RARB: variants seen among roughly 807,000 people sequenced by gnomAD.
RARB encodes the protein HBV-activated protein.
Under a neutral mutation model 51.9 loss-of-function variants are expected in RARB, and 17 were observed. The ratio of observed to expected loss-of-function variants is 0.33; its 90% confidence interval spans 0.22 to 0.49. RARB has a LOEUF of 0.49. RARB is among the 20% of genes least tolerant of loss of function. The pLI is 0.99. For missense variants in RARB, 369 were observed against 550.8 expected (o/e 0.67, Z 3.30); for synonymous variants, 215 against 195.4 (o/e 1.10, Z -0.84).
At chr3:25,092,483 AT>A (rs1328779000) in intron 3 of RARB, among the ~76,000 whole-genome samples, 1 of 151,974 alleles carries the variant, frequency 6.6e-6, no homozygotes, top group Non-Finnish European at 1.5e-5. Context: ...TGTCTCTCTT[AT>A]TTTTACTATT....
chr3:24,846,058 G>A (rs1031996613), intron 1 of RARB, among the ~76,000 whole-genome samples: 3 of 152,142 alleles, frequency 2.0e-5, no homozygotes, highest in African/African-American at 7.2e-5. Flanking sequence ...GTGCAACAGG[G>A]TTACTCCTGT....
chr3:24,959,948 C>T (rs1696102467), intron 2 of RARB, among the ~76,000 whole-genome samples: 1 of 152,200 alleles, frequency 6.6e-6, no homozygotes, highest in Non-Finnish European at 1.5e-5. Flanking sequence ...TTCGAGATCT[C>T]TCAGTTAATC....
intron 2 of RARB, among the ~76,000 whole-genome samples, chr3:25,056,436 CTAAAA>C (rs1172344292): frequency 2.0e-5 from 3 of 152,158 alleles, no homozygotes; most frequent in Non-Finnish European, 4.4e-5. Context: ...CATTGACTGT[CTAAAA>C]TAAATGACCT....
intron 4 of RARB, among the ~76,000 whole-genome samples, chr3:25,142,262 A>T (rs994966417): frequency 2.6e-5 from 4 of 152,188 alleles, no homozygotes; most frequent in African/African-American, 9.7e-5. Flanking sequence ...TGAACCTGGG[A>T]GGTGGAAGTT....
chr3:25,290,467 C>G (rs1041002216), intron 5 of RARB, among the ~76,000 whole-genome samples: 1 of 152,140 alleles, frequency 6.6e-6, no homozygotes, highest in East Asian at 1.9e-4. Context: ...TTTAAACCAC[C>G]CAGTCTATGG....
At chr3:24,966,430 A>G (rs892106935) in intron 2 of RARB, among the ~76,000 whole-genome samples, 3 of 152,152 alleles carry the variant, frequency 2.0e-5, no homozygotes, top group Admixed American at 6.6e-5. Context: ...CATTTGTACA[A>G]TATCAGCAGG....
intron 5 of RARB, among the ~76,000 whole-genome samples, chr3:25,370,708 C>T (rs1242945221): frequency 2.0e-5 from 3 of 152,184 alleles, no homozygotes; most frequent in South Asian, 4.2e-4. Flanking sequence ...TGAGTGACAG[C>T]TGAAGGACCA....
intron 4 of RARB, among the ~76,000 whole-genome samples, chr3:25,574,580 T>C (rs1700846371): frequency 6.6e-6 from 1 of 152,172 alleles, no homozygotes; most frequent in African/African-American, 2.4e-5. Context: ...GCTCCCGGCC[T>C]CCCACTGCTC....
intron 3 of RARB, among the ~76,000 whole-genome samples, chr3:25,080,495 G>A (rs912252188): frequency 2.6e-5 from 4 of 152,182 alleles, no homozygotes; most frequent in African/African-American, 9.6e-5. Context: ...CTGCCAAACT[G>A]TATTTCCGCA....
At chr3:25,383,206 G>C (rs1024806308) in intron 5 of RARB, among the ~76,000 whole-genome samples, 2 of 152,146 alleles carry the variant, frequency 1.3e-5, no homozygotes, top group African/African-American at 4.8e-5. Flanking sequence ...AGGGGTGAAA[G>C]GCACAAAATG....
intron 2 of RARB, among the ~76,000 whole-genome samples, chr3:24,880,174 C>A (rs542827289): frequency 3.3e-5 from 5 of 151,814 alleles, no homozygotes; most frequent in African/African-American, 1.2e-4. Flanking sequence ...GGATTCTGAT[C>A]TGTTATACCA....
At chr3:25,338,937 G>C (rs1229152553) in intron 5 of RARB, among the ~76,000 whole-genome samples, 2 of 152,076 alleles carry the variant, frequency 1.3e-5, no homozygotes, top group Non-Finnish European at 2.9e-5. Context: ...GTCTCTGAGA[G>C]AACAGTTGAG....
chr3:25,187,499 G>A (rs1307277698), intron 5 of RARB, among the ~76,000 whole-genome samples: 1 of 151,860 alleles, frequency 6.6e-6, no homozygotes, highest in Non-Finnish European at 1.5e-5. Flanking sequence ...CTTATTAAAC[G>A]TACATTACAA....
rs546330640 is a variant in RARB at position 25,159,426 on chromosome 3, C to G, written c.-279-14693C>G. ...TCAGATGATCCACCCCCCCCGCTCC[C>G]CCTCAGCCTCCCAAAGTGCTGGGAT... On this transcript the variant is annotated intron_variant, in intron 4 of 11. Coordinates refer to the RARB transcript ENST00000383772. Among the ~76,000 whole-genome samples the G allele has an allele frequency of 3.5e-3, 531 of 150,398 alleles. 4 individuals carry two copies. Among genetic ancestry groups the G allele is most frequent in the African/African-American group, 0.012 (493 of 41,038 alleles).
intron 5 of RARB, among the ~76,000 whole-genome samples, chr3:25,265,987 A>G (rs749949465): frequency 2.6e-5 from 4 of 152,038 alleles, no homozygotes; most frequent in Non-Finnish European, 5.9e-5. Context: ...CAACCTAGTC[A>G]TCCTTACACT....
At chr3:25,500,182 A>G (rs1008297446) in intron 2 of RARB, among the ~76,000 whole-genome samples, 4 of 152,178 alleles carry the variant, frequency 2.6e-5, no homozygotes, top group African/African-American at 9.7e-5. Context: ...TAATGTAACT[A>G]AAGAACTGAA....
intron 5 of RARB, among the ~76,000 whole-genome samples, chr3:25,263,745 G>A (rs1049915082): frequency 6.6e-6 from 1 of 152,114 alleles, no homozygotes; most frequent in African/African-American, 2.4e-5. Flanking sequence ...GCTAGGGGAA[G>A]GCCAGTGTGC....
At chr3:25,584,572 G>T (rs1018651644) in intron 5 of RARB, among the ~76,000 whole-genome samples, 2 of 152,164 alleles carry the variant, frequency 1.3e-5, no homozygotes, top group African/African-American at 2.4e-5. Flanking sequence ...AAGGCCCTGG[G>T]GCAGAGGAAG....
intron 5 of RARB, among the ~76,000 whole-genome samples, chr3:25,224,994 T>C (rs141341514): frequency 7.1e-4 from 108 of 152,304 alleles, no homozygotes; most frequent in African/African-American, 2.3e-3. Context: ...TCCTCTATAG[T>C]ACTCTAGATT....
Sources: allele counts gnomAD v4.1 joint callset (sites outside exome capture counted in the v4.1 genomes callset), GRCh38; gene constraint gnomAD v4.1.1; transcripts MANE v1.5; gene names NCBI Gene and HGNC (gene_info 2026-07-23, HGNC 2026-07-21).